Variants in PRKCZ observed in about 807,000 individuals in gnomAD.
The protein encoded by PRKCZ is protein kinase C zeta, also known as protein kinase C zeta type.
In PRKCZ, 33 loss-of-function variants were observed where a neutral mutation model predicts 79.5. The observed-to-expected ratio is 0.41, with a 90% CI of 0.31 to 0.55. The LOEUF (loss-of-function observed/expected upper bound fraction) is 0.55. PRKCZ is among the 20% of genes least tolerant of loss of function. The pLI is 0.19. For synonymous variants in PRKCZ, 342 were observed against 320.9 expected (o/e 1.07, Z -0.70); for missense variants, 578 against 813.5 (o/e 0.71, Z 3.52).
chr1:2,074,218 G>A, intron 4 of PRKCZ: 2 of 1,550,516 alleles, frequency 1.3e-6, no homozygotes, highest in Non-Finnish European at 1.7e-6. Flanking sequence ...GGCTGTGGAG[G>A]GACCTTCTGA....
intron 4 of PRKCZ, among the ~76,000 whole-genome samples, chr1:2,089,429 C>A (rs1453037501): frequency 5.9e-5 from 9 of 152,150 alleles, no homozygotes; most frequent in Admixed American, 5.9e-4. Flanking sequence ...GAGGAGGCAC[C>A]ACGAGGGGTG....
chr1:2,161,772 G>A lies in PRKCZ; in HGVS notation c.974+5680G>A, dbSNP rs554224392. On this transcript the variant is annotated intron_variant, in intron 10 of 17. Coordinates refer to ENST00000378567, the MANE Select transcript of PRKCZ (RefSeq NM_002744.6). ...CATCTCCCCTTCTCCATCCAGACCC[G>A]AACGTCCCATGCCACTGCGCCCTGC... Among the ~76,000 whole-genome samples the A allele has an allele frequency of 1.2e-3, 182 of 152,128 alleles. 2 individuals are homozygous for A. The highest frequency in any genetic ancestry group is 4.0e-3 in the African/African-American group (166 of 41,482).
At chr1:2,118,432 G>A (rs1238303510) in intron 4 of PRKCZ, among the ~76,000 whole-genome samples, 1 of 151,444 alleles carries the variant, frequency 6.6e-6, no homozygotes, top group Non-Finnish European at 1.5e-5. Flanking sequence ...CTGCCTCCTG[G>A]GTTCACGCCA....
intron 4 of PRKCZ, among the ~76,000 whole-genome samples, chr1:2,068,058 C>G (rs781074626): frequency 6.6e-6 from 1 of 152,198 alleles, no homozygotes; most frequent in African/African-American, 2.4e-5. Flanking sequence ...GCGGCCCTGT[C>G]GGCCTGAGCC....
At position 2,075,588 on chromosome 1, in the gene PRKCZ, G is replaced by T. The variant is rs1220325291; in HGVS notation, c.334+15997G>T. Among the ~76,000 whole-genome samples the T allele has an allele frequency of 6.6e-6, 1 of 152,218 alleles. No homozygotes were observed. Among genetic ancestry groups the T allele is most frequent in the Non-Finnish European group, 1.5e-5 (1 of 68,032 alleles). ...GTCTTCCTAGACTTCAGAGCCACTG[G>T]TGGTTATGTAAGGAGTTGTGTGTTC... is the stretch of plus-strand genomic sequence containing the variant. On this transcript the variant is annotated intron_variant, in intron 4 of 17. Coordinates refer to ENST00000378567, the MANE Select transcript of PRKCZ (RefSeq NM_002744.6). The surrounding 1 kb of genome is among the most constrained non-coding windows in gnomAD (Gnocchi z 4.8).
At position 2,173,203 on chromosome 1, in the gene PRKCZ, G is replaced by A. The variant is rs535777520; in HGVS notation, c.1286-694G>A. On this transcript the variant is annotated intron_variant, in intron 13 of 17. Coordinates refer to ENST00000378567, the MANE Select transcript of PRKCZ (RefSeq NM_002744.6). This position sits in a 1 kb window ranked among gnomAD's most constrained non-coding sequence, Gnocchi z 5.7. ...AGAATGGGTGTGGGGCAGGCAGGGC[G>A]GGCAGGTCACTCGCCGCTGGGATAA... Among the ~76,000 whole-genome samples the A allele has an allele frequency of 1.8e-4, 28 of 152,284 alleles. No individual in the cohort carries two copies. The highest frequency in any genetic ancestry group is 1.2e-3 in the East Asian group (6 of 5,188).
At chr1:2,141,828 G>C (rs1023402254) in intron 5 of PRKCZ, 1 of 220,252 alleles carries the variant, frequency 4.5e-6, no homozygotes, top group African/African-American at 2.4e-5. Context: ...GTTCTTCTGC[G>C]CTGTGGACGC....
At chr1:2,061,913 C>T (rs1660710054) in intron 4 of PRKCZ, among the ~76,000 whole-genome samples, 1 of 152,172 alleles carries the variant, frequency 6.6e-6, no homozygotes, top group Non-Finnish European at 1.5e-5. Context: ...GTGGTTTTAG[C>T]GCCTGTGGGG....
chr1:2,102,315 T>G (rs1278500049), intron 4 of PRKCZ, among the ~76,000 whole-genome samples: 3 of 60,870 alleles, frequency 4.9e-5, no homozygotes, highest in Admixed American at 1.8e-4. Flanking sequence ...TTTTATTGCG[T>G]TTTTTTTTTT....
intron 4 of PRKCZ, among the ~76,000 whole-genome samples, chr1:2,061,282 G>T (rs1199201327): frequency 6.6e-6 from 1 of 152,186 alleles, no homozygotes; most frequent in African/African-American, 2.4e-5. Context: ...CCCTGCCTGG[G>T]GGCCTGGGGT....
At chr1:2,080,207 GAGTC>G (rs1663219773) in intron 4 of PRKCZ, among the ~76,000 whole-genome samples, 1 of 152,168 alleles carries the variant, frequency 6.6e-6, no homozygotes, top group Admixed American at 6.5e-5. Context: ...TTGGGAGGGA[GAGTC>G]AGTCAGTGAT....
intron 4 of PRKCZ, among the ~76,000 whole-genome samples, chr1:2,088,761 A>G (rs901258400): frequency 2.6e-5 from 4 of 151,992 alleles, no homozygotes; most frequent in Admixed American, 2.6e-4. Context: ...TCACTCACAG[A>G]CTCCAGCTGG....
chr1:2,150,723 T>C (rs1679721590), intron 8 of PRKCZ, 67 bp from the exon 9 acceptor site: 1 of 1,480,272 alleles, frequency 6.8e-7, no homozygotes, highest in African/African-American at 1.4e-5. Flanking sequence ...GCATGAGTGA[T>C]GCGTGGTCCT....
chr1:2,103,807 C>T (rs929718988), intron 4 of PRKCZ, among the ~76,000 whole-genome samples: 17 of 152,056 alleles, frequency 1.1e-4, no homozygotes, highest in African/African-American at 3.9e-4. Context: ...GAGTGCTGGC[C>T]GCTCCCCTCT....
chr1:2,133,831 C>T (rs369494134), intron 4 of PRKCZ: 1 of 152,390 alleles, frequency 6.6e-6, no homozygotes, highest in Non-Finnish European at 1.5e-5. Flanking sequence ...CTACGGACTC[C>T]TGGAGCCAGG....
intron 4 of PRKCZ, among the ~76,000 whole-genome samples, chr1:2,060,130 G>A (rs375929623): frequency 3.3e-5 from 5 of 152,362 alleles, no homozygotes; most frequent in African/African-American, 1.2e-4. Flanking sequence ...CTCGGGCCGC[G>A]CATCCCATGG....
chr1:2,140,309 G>C (rs1677056168), intron 5 of PRKCZ, among the ~76,000 whole-genome samples: 1 of 152,198 alleles, frequency 6.6e-6, no homozygotes, highest in African/African-American at 2.4e-5. Context: ...CCAACCATCA[G>C]AATAGGTAAG....
chr1:2,096,255 C>T (rs1666490476), intron 4 of PRKCZ, among the ~76,000 whole-genome samples: 1 of 151,852 alleles, frequency 6.6e-6, no homozygotes, highest in Non-Finnish European at 1.5e-5. Context: ...GCAGTGTGTG[C>T]CTGGGAGGCG....
In PRKCZ at chr1:2,130,831, C is replaced by T. The variant is rs190833464; in HGVS notation, c.335-4431C>T. On this transcript the variant is annotated intron_variant, in intron 4 of 17. Transcript: ENST00000378567. ...CAGCCGTCTGGGCACCATGGCCCAG[C>T]CGCGTGGACACATACAGTGAACCAT... Among the ~76,000 whole-genome samples, 1,384 of 152,254 alleles carry T rather than the reference C, an allele frequency of 9.1e-3. 12 individuals are homozygous for T. The highest frequency in any genetic ancestry group is 0.023 in the South Asian group (109 of 4,826).
Sources: gnomAD v4.1 joint callset for allele counts (sites outside exome capture counted in the v4.1 genomes callset) on GRCh38, gnomAD v4.1.1 for gene constraint, Gnocchi (gnomAD v3.1) non-coding constraint, MANE v1.5 for transcripts, NCBI Gene and HGNC (gene_info 2026-07-23, HGNC 2026-07-21) for gene names.